Variants in COLEC12 observed in about 807,000 individuals in gnomAD.
The protein encoded by COLEC12 is collectin subfamily member 12, also known as collectin-12.
A neutral mutation model predicts 71.1 loss-of-function variants in COLEC12; 33 were observed. The observed-to-expected ratio is 0.46, with a 90% CI of 0.35 to 0.62. The LOEUF is 0.62. Among genes scored for constraint, COLEC12 ranks in the 20% least tolerant of loss-of-function variants. The pLI is 0.00. For synonymous variants in COLEC12, 350 were observed against 353.0 expected, an observed-to-expected ratio of 0.99 and a Z score of 0.10; for missense variants, 765 against 916.1, an observed-to-expected ratio of 0.84 and a Z score of 2.13.
At chr18:328,794 T>G (rs1468785960) in intron 8 of COLEC12, among the ~76,000 whole-genome samples, 1 of 152,226 alleles carries the variant, frequency 6.6e-6, no homozygotes. Context: ...ATCTTGCTGA[T>G]GCTAGATCCC....
chr18:338,182 C>T (rs1914161587), intron 5 of COLEC12, among the ~76,000 whole-genome samples: 1 of 152,212 alleles, frequency 6.6e-6, no homozygotes, highest in African/African-American at 2.4e-5. Flanking sequence ...TGCAAAATTC[C>T]TGGCATCCTC....
intron 2 of COLEC12, among the ~76,000 whole-genome samples, chr18:391,375 T>C (rs932386073): frequency 1.3e-5 from 2 of 152,254 alleles, no homozygotes; most frequent in Non-Finnish European, 2.9e-5. Context: ...GGATTGCTTT[T>C]TGAAACCTTT....
At chr18:366,063 T>C (rs1182323143) in intron 2 of COLEC12, among the ~76,000 whole-genome samples, 8 of 152,228 alleles carry the variant, frequency 5.3e-5, no homozygotes, top group Non-Finnish European at 7.3e-5. Context: ...TATTCATTTC[T>C]TCAAGGTGTA....
At chr18:472,244 G>A (rs1045671114) in intron 2 of COLEC12, among the ~76,000 whole-genome samples, 2 of 152,186 alleles carry the variant, frequency 1.3e-5, no homozygotes, top group African/African-American at 4.8e-5. Context: ...TCTGGCTCCA[G>A]CATACATTCT....
chr18:445,630 A>G (rs1916631215), intron 2 of COLEC12, among the ~76,000 whole-genome samples: 1 of 70,010 alleles, frequency 1.4e-5, no homozygotes, highest in African/African-American at 6.0e-5. Context: ...AAAACCACTA[A>G]TCCACTTTTT....
chr18:345,432 C>CA (rs1324814235), intron 5 of COLEC12, among the ~76,000 whole-genome samples: 1 of 152,166 alleles, frequency 6.6e-6, no homozygotes, highest in African/African-American at 2.4e-5. Flanking sequence ...AGGCTGGTCT[C>CA]AAACTCCTGG....
intron 9 of COLEC12, among the ~76,000 whole-genome samples, chr18:321,368 A>C (rs550030704): frequency 6.6e-6 from 1 of 152,300 alleles, no homozygotes; most frequent in South Asian, 2.1e-4. Flanking sequence ...CTATATTTTA[A>C]AGAACAATTA....
intron 2 of COLEC12, among the ~76,000 whole-genome samples, chr18:445,940 T>C (rs1027628223): frequency 8.5e-5 from 13 of 152,174 alleles, no homozygotes; most frequent in Admixed American, 2.0e-4. Context: ...CCTAATCTAC[T>C]TTTTGTCCCT....
intron 2 of COLEC12, among the ~76,000 whole-genome samples, chr18:387,613 A>G (rs1915373244): frequency 6.6e-6 from 1 of 152,218 alleles, no homozygotes; most frequent in African/African-American, 2.4e-5. Flanking sequence ...TTAATACTTG[A>G]GAACTGCTCA....
chr18:385,401 T>A (rs1048801009), intron 2 of COLEC12, among the ~76,000 whole-genome samples: 2 of 147,136 alleles, frequency 1.4e-5, no homozygotes, highest in African/African-American at 5.0e-5. Flanking sequence ...CTCGGCTCAC[T>A]GCAACCTCCA....
Position 346,238 on chromosome 18 carries a change from A to G in COLEC12, c.1327+57T>C. ...TTTTAAATTGCCAAGTTTTAGAGTA[A>G]CTTGTTATGCAGCAATAAACAACTA... On this transcript the variant is annotated intron_variant, in intron 5 of 9. Coordinates refer to ENST00000400256, the MANE Select transcript of COLEC12 (RefSeq NM_130386.3). The surrounding 1 kb of genome is among the most constrained non-coding windows in gnomAD (Gnocchi z 4.0). 4 of 1,298,738 alleles carry G rather than the reference A, an allele frequency of 3.1e-6. No individual in the cohort carries two copies. The highest frequency in any genetic ancestry group is 3.2e-6 in the Non-Finnish European group (3 of 937,336). 80.5% of individuals were successfully genotyped at this position (1,298,738 alleles called of 1,614,324 possible). A position where few individuals can be genotyped will look rare whatever the true frequency, so the allele number is the denominator to read the frequency against.
intron 2 of COLEC12, among the ~76,000 whole-genome samples, chr18:473,114 T>C (rs1222683948): frequency 6.6e-6 from 1 of 152,124 alleles, no homozygotes; most frequent in East Asian, 1.9e-4. Context: ...AAATGAGGCT[T>C]AGCTAGTAAA....
chr18:351,721 C>G (rs1008088194), intron 3 of COLEC12, among the ~76,000 whole-genome samples: 14 of 152,162 alleles, frequency 9.2e-5, no homozygotes, highest in Non-Finnish European at 1.8e-4. Flanking sequence ...GAGCCTGTTA[C>G]CACGCCCGGC....
chr18:333,183 C>G, intron 6 of COLEC12, 40 bp from the exon 7 acceptor site: 1 of 1,549,602 alleles, frequency 6.5e-7, no homozygotes, highest in Non-Finnish European at 8.7e-7. Flanking sequence ...TAAAAGATCA[C>G]AGAAAGCACT....
intron 2 of COLEC12, among the ~76,000 whole-genome samples, chr18:404,316 T>C (rs938165040): frequency 6.6e-6 from 1 of 152,210 alleles, no homozygotes; most frequent in Non-Finnish European, 1.5e-5. Flanking sequence ...TGCAAGACAC[T>C]AAAATGAACT....
intron 2 of COLEC12, among the ~76,000 whole-genome samples, chr18:425,598 G>A (rs1292024934): frequency 6.6e-6 from 1 of 152,170 alleles, no homozygotes; most frequent in African/African-American, 2.4e-5. Flanking sequence ...AGAGGTGGGG[G>A]AGAATAAAAT....
chr18:413,567 C>T (rs188148228), intron 2 of COLEC12, among the ~76,000 whole-genome samples: 120 of 152,286 alleles, frequency 7.9e-4, no homozygotes, highest in East Asian at 5.0e-3. Context: ...CACAGTGCTA[C>T]GATCCCAGCA....
intron 7 of COLEC12, among the ~76,000 whole-genome samples, chr18:332,257 A>G (rs1343383040): frequency 6.6e-6 from 1 of 152,234 alleles, no homozygotes; most frequent in Non-Finnish European, 1.5e-5. Context: ...TCTAAAGCCC[A>G]GGTGCTTGGT....
At chr18:351,143 T>C (rs759379410) in intron 3 of COLEC12, among the ~76,000 whole-genome samples, 10 of 152,184 alleles carry the variant, frequency 6.6e-5, no homozygotes, top group Non-Finnish European at 1.2e-4. Flanking sequence ...CAAAGTGAAC[T>C]GGCTCCTTGG....
Sources: gnomAD v4.1 joint callset for allele counts (sites outside exome capture counted in the v4.1 genomes callset) on GRCh38, gnomAD v4.1.1 for gene constraint, Gnocchi (gnomAD v3.1) non-coding constraint, MANE v1.5 for transcripts, NCBI Gene and HGNC (gene_info 2026-07-23, HGNC 2026-07-21) for gene names.